The following OSBPL1A variants were observed in gnomAD, a reference collection of about 807,000 sequenced individuals.
OSBPL1A encodes the protein oxysterol binding protein like 1A.
Under a neutral mutation model 137.1 loss-of-function variants are expected in OSBPL1A, and 80 were observed. The observed-to-expected ratio is 0.58, with a 90% confidence interval of 0.49 to 0.70. The LOEUF (loss-of-function observed/expected upper bound fraction) is 0.70, where lower values mean the gene tolerates loss of function less well. Among genes scored for constraint, OSBPL1A ranks in the 30% least tolerant of loss-of-function variants. The pLI is 0.00. For missense variants in OSBPL1A, 970 were observed against 1,129.4 expected (o/e 0.86, Z 2.02); for synonymous variants, 365 against 389.7 (o/e 0.94, Z 0.75).
intron 21 of OSBPL1A, among the ~76,000 whole-genome samples, chr18:24,174,060 C>T (rs530853009): frequency 5.3e-5 from 8 of 152,216 alleles, no homozygotes; most frequent in Non-Finnish European, 8.8e-5. Flanking sequence ...TGTTGTTCTA[C>T]GTATCAGTCT....
chr18:24,289,517 G>A (rs2090138244), intron 14 of OSBPL1A, among the ~76,000 whole-genome samples: 1 of 144,846 alleles, frequency 6.9e-6, no homozygotes, highest in Non-Finnish European at 1.5e-5. Flanking sequence ...CACCTCCCGG[G>A]TTCAAGCAAT....
intron 17 of OSBPL1A, among the ~76,000 whole-genome samples, chr18:24,209,340 A>C (rs1406034580): frequency 3.3e-5 from 5 of 152,218 alleles, no homozygotes; most frequent in Non-Finnish European, 5.9e-5. Flanking sequence ...CAATAAGAAA[A>C]TATAAATTAA....
intron 15 of OSBPL1A, among the ~76,000 whole-genome samples, chr18:24,258,538 G>T (rs530004249): frequency 8.5e-5 from 13 of 152,264 alleles, no homozygotes; most frequent in African/African-American, 3.1e-4. Flanking sequence ...TAAAAAAATA[G>T]AAAGAATGAA....
chr18:24,276,189 C>T (rs1403466699), intron 15 of OSBPL1A, among the ~76,000 whole-genome samples: 3 of 152,224 alleles, frequency 2.0e-5, no homozygotes, highest in East Asian at 3.9e-4. Flanking sequence ...CTCGATAGTA[C>T]ACAAAATGAG....
At chr18:24,200,582 T>TA (rs2087191080) in intron 17 of OSBPL1A, among the ~76,000 whole-genome samples, 2 of 133,560 alleles carry the variant, frequency 1.5e-5, no homozygotes, top group African/African-American at 2.8e-5. Context: ...AAAAAAAAAG[T>TA]AAAAAAATCA....
At chr18:24,343,884 G>C (rs1273211741) in intron 4 of OSBPL1A, among the ~76,000 whole-genome samples, 4 of 152,044 alleles carry the variant, frequency 2.6e-5, no homozygotes, top group Non-Finnish European at 5.9e-5. Context: ...TACCAAGAAA[G>C]CTTCACAAGG....
At chr18:24,230,554 T>C (rs1028228476) in intron 16 of OSBPL1A, among the ~76,000 whole-genome samples, 16 of 152,192 alleles carry the variant, frequency 1.1e-4, no homozygotes, top group African/African-American at 7.2e-5. Flanking sequence ...TCTTACCTCA[T>C]TGCCAGGAAA....
At chr18:24,170,156 C>T (rs1351706355) in intron 24 of OSBPL1A, among the ~76,000 whole-genome samples, 171 bp downstream of exon 24, 3 of 151,930 alleles carry the variant, frequency 2.0e-5, no homozygotes, top group Non-Finnish European at 2.9e-5. Context: ...AAGGCTATGC[C>T]GAGTACTTGT....
At chr18:24,200,022 T>G (rs1471903270) in intron 17 of OSBPL1A, among the ~76,000 whole-genome samples, 3 of 152,240 alleles carry the variant, frequency 2.0e-5, no homozygotes, top group Admixed American at 2.0e-4. Flanking sequence ...AAATCAAAAC[T>G]AATTTTAGTA....
At chr18:24,332,385 C>CAAAAAAAAAAAAAAA (rs71163675) in intron 7 of OSBPL1A, among the ~76,000 whole-genome samples, 1 of 53,062 alleles carries the variant, frequency 1.9e-5, no homozygotes, top group African/African-American at 9.3e-5. Flanking sequence ...GACTCTGTCT[C>CAAAAAAAAAAAAAAA]AAAAAAAAAA....
chr18:24,193,288 A>C (rs1228757060), intron 18 of OSBPL1A, among the ~76,000 whole-genome samples: 1 of 152,100 alleles, frequency 6.6e-6, no homozygotes, highest in Non-Finnish European at 1.5e-5. Flanking sequence ...TGAGTTCGAG[A>C]CCAGTCTGGC....
intron 15 of OSBPL1A, among the ~76,000 whole-genome samples, chr18:24,278,312 ATAAATC>A (rs1315630966): frequency 1.3e-5 from 2 of 152,232 alleles, no homozygotes; most frequent in Non-Finnish European, 2.9e-5. Flanking sequence ...CCAAAACAAA[ATAAATC>A]CACTGTTACA....
At chr18:24,199,228 G>A (rs1213862125) in intron 17 of OSBPL1A, among the ~76,000 whole-genome samples, 1 of 152,110 alleles carries the variant, frequency 6.6e-6, no homozygotes, top group Admixed American at 6.5e-5. Context: ...AGGCAAAGGT[G>A]TCTGGAAAAC....
intron 21 of OSBPL1A, among the ~76,000 whole-genome samples, 188 bp downstream of exon 21, chr18:24,177,825 C>G (rs751761410): frequency 2.0e-5 from 3 of 152,214 alleles, no homozygotes; most frequent in Non-Finnish European, 1.5e-5. Flanking sequence ...TTTACACATA[C>G]CCAGATTAAT....
intron 11 of OSBPL1A, among the ~76,000 whole-genome samples, chr18:24,315,051 A>T (rs2090693464): frequency 6.6e-6 from 1 of 152,188 alleles, no homozygotes; most frequent in African/African-American, 2.4e-5. Context: ...CCGGATACGA[A>T]AGAAAAGGCA....
At chr18:24,221,211 C>T (rs890653789) in intron 17 of OSBPL1A, among the ~76,000 whole-genome samples, 2 of 152,318 alleles carry the variant, frequency 1.3e-5, no homozygotes, top group Middle Eastern at 3.4e-3. Context: ...ATTTTCTTAG[C>T]TTACGTTTTC....
At chr18:24,306,783 AAGTGAAT>A (rs1357580357) in intron 13 of OSBPL1A, among the ~76,000 whole-genome samples, 2 of 152,212 alleles carry the variant, frequency 1.3e-5, no homozygotes, top group Non-Finnish European at 2.9e-5. Context: ...TGAAGACATA[AAGTGAAT>A]TCCTTTTTTC....
In OSBPL1A at chr18:24,397,762, G is replaced by GCACT. The variant is rs1397371737; in HGVS notation, c.-114_-111dup. 6.6e-6 allele frequency: 1 copy of GCACT among 152,186 alleles called. No homozygotes were observed. Among genetic ancestry groups the GCACT allele is most frequent in the East Asian group, 1.9e-4 (1 of 5,162 alleles). The allele number at this position is 152,186 out of a possible 1,614,324, so 9.4% of individuals were successfully genotyped here. A position where few individuals can be genotyped will look rare whatever the true frequency, so the allele number is the denominator to read the frequency against. On this transcript the variant is annotated 5_prime_UTR_variant, in exon 1 of 28. Coordinates refer to ENST00000319481, the MANE Select transcript of OSBPL1A (RefSeq NM_080597.4). ...AAGTGGTCGTCACCAACTCTGGCTG[G>GCACT]CACTCCCCGAGGACGCTCGAGCCCG...
At chr18:24,185,306 G>A (rs1019884470) in intron 18 of OSBPL1A, among the ~76,000 whole-genome samples, 6 of 151,644 alleles carry the variant, frequency 4.0e-5, no homozygotes, top group South Asian at 2.1e-4. Context: ...ATGATGTATC[G>A]CAGGTTCACC....
Sources: gnomAD v4.1 joint callset for allele counts (sites outside exome capture counted in the v4.1 genomes callset) on GRCh38, gnomAD v4.1.1 for gene constraint, MANE v1.5 for transcripts, NCBI Gene and HGNC (gene_info 2026-07-23, HGNC 2026-07-21) for gene names.